Variants in WIPI2 observed in about 807,000 individuals in gnomAD.
The protein encoded by WIPI2 is WD repeat domain phosphoinositide-interacting protein 2.
A neutral mutation model predicts 52.3 loss-of-function variants in WIPI2; 28 were observed. The ratio of observed to expected loss-of-function variants is 0.54; its 90% CI spans 0.40 to 0.73. The LOEUF (loss-of-function observed/expected upper bound fraction) is 0.73, where lower values mean the gene tolerates loss of function less well. WIPI2 is among the 30% of genes least tolerant of loss of function. WIPI2 has a pLI of 0.00. For missense variants in WIPI2, 506 were observed against 602.9 expected, an observed-to-expected ratio of 0.84 and a Z score of 1.68; for synonymous variants, 268 against 245.0, an observed-to-expected ratio of 1.09 and a Z score of -0.88.
In WIPI2 at chr7:5,216,956, A is replaced by G; in HGVS notation, c.479-134A>G. On this transcript the variant is annotated intron_variant, in intron 5 of 12. Coordinates refer to ENST00000288828, the MANE Select transcript of WIPI2 (RefSeq NM_015610.4). The stretch of plus-strand genomic sequence containing the variant: ...TTTGGGGTTGCAGAACTTTCCTAAC[A>G]CAGCAAACAAGATTGTATCCAAGCT... 4 of 995,788 alleles carry G rather than the reference A, an allele frequency of 4.0e-6. No individual in the cohort carries two copies. In the South Asian group the frequency reaches 5.0e-5, roughly 12 times the overall value. 61.7% of individuals were successfully genotyped at this position (995,788 alleles called of 1,614,324 possible). A position where few individuals can be genotyped will look rare whatever the true frequency, so the allele number is the denominator to read the frequency against.
At chr7:5,195,106 G>A (rs1327187546) in intron 2 of WIPI2, among the ~76,000 whole-genome samples, 1 of 152,178 alleles carries the variant, frequency 6.6e-6, no homozygotes, top group Non-Finnish European at 1.5e-5. Context: ...CACAGTTGAA[G>A]GTGGGGATAC....
intron 2 of WIPI2, among the ~76,000 whole-genome samples, chr7:5,198,082 C>T (rs1367324643): frequency 1.3e-5 from 2 of 152,122 alleles, no homozygotes; most frequent in African/African-American, 2.4e-5. Context: ...GACTCATAAA[C>T]GCAAGGCCAT....
chr7:5,226,411 C>T lies in WIPI2; in HGVS notation c.848+481C>T, dbSNP rs141103392. 52 of 168,648 alleles carry T rather than the reference C, an allele frequency of 3.1e-4. No individual in the cohort carries two copies. In the East Asian group the frequency reaches 8.8e-3, roughly 29 times the overall value. 10.4% of individuals were successfully genotyped at this position (168,648 alleles called of 1,614,324 possible). A position where few individuals can be genotyped will look rare whatever the true frequency, so the allele number is the denominator to read the frequency against. Reference sequence around the variant, plus strand: ...TTACTCTGTTGCCCAGGCTGCAGTGCAGTGGTACAGTCATTACTTATTGTA... The same window carrying T: ...TTACTCTGTTGCCCAGGCTGCAGTGTAGTGGTACAGTCATTACTTATTGTA... On this transcript the variant is annotated intron_variant, in intron 9 of 12. Coordinates refer to ENST00000288828, the MANE Select transcript of WIPI2 (RefSeq NM_015610.4).
At position 5,230,867 on chromosome 7, in the gene WIPI2, G is replaced by A. The variant is rs765792758; in HGVS notation, c.1285G>A (p.Ala429Thr). 1.3e-5 allele frequency: 21 copies of A among 1,613,600 alleles called. No individual in the cohort carries two copies. Among genetic ancestry groups the A allele is most frequent in the Admixed American group, 3.3e-5 (2 of 59,952 alleles). ...YTDDLGAVGG[A>T]CLEDEASALR... ...AGACGACCTGGGTGCTGTGGGTGGC[G>A]CCTGCCTGGAGGACGAGGCCAGCGC... Residue 429 changes from alanine (A) to threonine (T), a missense_variant, in exon 13 of 13, where the codon GCC (alanine) becomes ACC (threonine). Ala to Thr is a moderately conservative substitution (Grantham distance 58). This residue lies in a region of WIPI2 where 194 missense variants were observed against 175.1 expected (regional missense o/e 1.11). Coordinates refer to ENST00000288828, the MANE Select transcript of WIPI2 (RefSeq NM_015610.4). This position sits in a 1 kb window ranked among gnomAD's most constrained non-coding sequence, Gnocchi z 4.8.
Position 5,227,364 on chromosome 7 carries a change from C to T in WIPI2, c.1013+20C>T. The T allele has an allele frequency of 1.2e-6, 2 of 1,608,928 alleles. No individual in the cohort carries two copies. The highest frequency in any genetic ancestry group is 2.2e-5 in the South Asian group (2 of 91,002). ...AGCCACGTGAGTAGAGCCGGCGCCT[C>T]CGTCCCCCACCCCGTGTGCCTCAGG... On this transcript the variant is annotated intron_variant, in intron 10 of 12. Coordinates refer to ENST00000288828, the MANE Select transcript of WIPI2 (RefSeq NM_015610.4). This position sits in a 1 kb window ranked among gnomAD's most constrained non-coding sequence, Gnocchi z 8.1.
chr7:5,195,040 G>A (rs912475262), intron 2 of WIPI2, among the ~76,000 whole-genome samples: 5 of 152,132 alleles, frequency 3.3e-5, no homozygotes, highest in Admixed American at 6.6e-5. Flanking sequence ...CCCTAGAGAA[G>A]GACAGGCCTA....
Position 5,190,247 on chromosome 7 carries a change from G to C in WIPI2, c.-173G>C. 1 of 332,560 alleles carries C rather than the reference G, an allele frequency of 3.0e-6. No homozygotes were observed. The allele number at this position is 332,560 out of a possible 1,614,324, so 20.6% of individuals were successfully genotyped here. ...GCCGCGCAGGCGTACCGGGTGCCCC[G>C]GCTCTGGAGCATAAACAAGAGCGGG... is the stretch of plus-strand genomic sequence containing the variant. On this transcript the variant is annotated 5_prime_UTR_variant, in exon 1 of 13. Transcript: ENST00000288828.
At chr7:5,208,294 T>G (rs780052233) in intron 3 of WIPI2, among the ~76,000 whole-genome samples, 1 of 152,226 alleles carries the variant, frequency 6.6e-6, no homozygotes, top group Non-Finnish European at 1.5e-5. Context: ...TTGTTAGAGC[T>G]CTTTAGATAT....
At chr7:5,228,571 G>A (rs996164123) in intron 11 of WIPI2, among the ~76,000 whole-genome samples, 1 of 152,226 alleles carries the variant, frequency 6.6e-6, no homozygotes, top group Non-Finnish European at 1.5e-5. Flanking sequence ...GCGCAGCGTG[G>A]TGGCCTCCAC....
At chr7:5,217,801 T>G in intron 6 of WIPI2, 121 bp from the exon 7 acceptor site, 1 of 915,010 alleles carries the variant, frequency 1.1e-6, no homozygotes, top group Non-Finnish European at 1.7e-6. Context: ...GGGTTTGGCA[T>G]TTGTTTGGAC....
Position 5,232,631 on chromosome 7 carries a change from C to T in WIPI2, c.*1684C>T, listed in dbSNP as rs1016794772. ...GGATGAGAAGGGCCGCGGCAGCACG[C>T]AGCCTTGACCCACGCCTGCGTCTTG... is the stretch of plus-strand genomic sequence containing the variant. On this transcript the variant is annotated 3_prime_UTR_variant, in exon 13 of 13. Coordinates refer to ENST00000288828, the MANE Select transcript of WIPI2 (RefSeq NM_015610.4). The T allele has an allele frequency of 3.4e-5, 9 of 267,352 alleles. No homozygotes were observed. The highest frequency in any genetic ancestry group is 1.1e-3 in the Middle Eastern group (1 of 926). The allele number at this position is 267,352 out of a possible 1,614,324, so 16.6% of individuals were successfully genotyped here.
At chr7:5,193,631 G>A (rs989393696) in intron 2 of WIPI2, among the ~76,000 whole-genome samples, 7 of 152,350 alleles carry the variant, frequency 4.6e-5, no homozygotes, top group Admixed American at 2.6e-4. Context: ...CAGTGGCATA[G>A]TTATAATGAT....
At chr7:5,200,804 C>G (rs1320340544) in intron 3 of WIPI2, among the ~76,000 whole-genome samples, 1 of 152,198 alleles carries the variant, frequency 6.6e-6, no homozygotes, top group African/African-American at 2.4e-5. Context: ...GGGGATGTGT[C>G]TGATTCTTCC....
At chr7:5,193,734 C>G (rs989320059) in intron 2 of WIPI2, among the ~76,000 whole-genome samples, 1 of 152,138 alleles carries the variant, frequency 6.6e-6, no homozygotes, top group African/African-American at 2.4e-5. Context: ...GGCCCCACAC[C>G]TGGCTAATTT....
Position 5,227,301 on chromosome 7 carries a change from C to T in WIPI2, c.970C>T (p.Arg324Cys). The T allele has an allele frequency of 2.5e-6, 4 of 1,613,436 alleles. No individual in the cohort carries two copies. The highest frequency in any genetic ancestry group is 1.7e-5 in the Admixed American group (1 of 60,018). ...FNQGRAFATVRLPFCGHKNIC... is the reference protein window; with the variant it reads ...FNQGRAFATVCLPFCGHKNIC... ...CCAGGGCAGAGCCTTCGCCACGGTCCGCCTGCCATTCTGCGGCCACAAAAA... is the reference window on the plus strand; with the variant it reads ...CCAGGGCAGAGCCTTCGCCACGGTCTGCCTGCCATTCTGCGGCCACAAAAA... Residue 324 changes from arginine (R) to cysteine (C), a missense_variant, in exon 10 of 13, where the codon CGC becomes TGC. Arg to Cys is a radical substitution (Grantham distance 180, BLOSUM62 -3). Around this residue, in one of 4 missense-constraint regions of WIPI2, gnomAD observed 237 missense variants for 346.9 expected, o/e 0.68. Coordinates refer to ENST00000288828, the MANE Select transcript of WIPI2 (RefSeq NM_015610.4). The surrounding 1 kb of genome is among the most constrained non-coding windows in gnomAD (Gnocchi z 8.1).
Position 5,227,354 on chromosome 7 carries a change from G to T in WIPI2, c.1013+10G>T. The T allele has an allele frequency of 6.2e-7, 1 of 1,611,176 alleles. No individual in the cohort carries two copies. The highest frequency in any genetic ancestry group is 8.5e-7 in the Non-Finnish European group (1 of 1,179,670). On this transcript the variant is annotated intron_variant, in intron 10 of 12. Transcript: ENST00000288828. The surrounding 1 kb of genome is among the most constrained non-coding windows in gnomAD (Gnocchi z 8.1). ...TCTGCTCGCTAGCCACGTGAGTAGA[G>T]CCGGCGCCTCCGTCCCCCACCCCGT...
At chr7:5,226,383 G>T in intron 9 of WIPI2, 1 of 180,802 alleles carries the variant, frequency 5.5e-6, no homozygotes. Context: ...TTTTAAGAGG[G>T]GCTTACTCTG....
intron 3 of WIPI2, among the ~76,000 whole-genome samples, chr7:5,200,992 C>A (rs1486038878): frequency 6.6e-6 from 1 of 152,184 alleles, no homozygotes; most frequent in African/African-American, 2.4e-5. Flanking sequence ...ACTAAATCTT[C>A]CAAAAAAGCC....
At chr7:5,229,574 G>A in intron 11 of WIPI2, 34 bp from the exon 12 acceptor site, 1 of 1,603,042 alleles carries the variant, frequency 6.2e-7, no homozygotes, top group Non-Finnish European at 8.5e-7. Context: ...GCCCTGTGTG[G>A]AGACGCTGAG....
Sources: allele counts gnomAD v4.1 joint callset (sites outside exome capture counted in the v4.1 genomes callset), GRCh38; gene constraint gnomAD v4.1.1; regional missense constraint gnomAD v4.1.1; non-coding constraint Gnocchi (gnomAD v3.1); transcripts MANE v1.5; gene names NCBI Gene and HGNC (gene_info 2026-07-23, HGNC 2026-07-21).